The following KIF1B variants were observed in gnomAD, a reference collection of about 807,000 sequenced individuals.
The protein encoded by KIF1B is kinesin-like protein KIF1B.
Under a neutral mutation model 241.9 loss-of-function variants are expected in KIF1B, and 76 were observed. The ratio of observed to expected loss-of-function variants is 0.31; its 90% CI spans 0.26 to 0.38. The LOEUF (loss-of-function observed/expected upper bound fraction) is 0.38, where lower values mean the gene tolerates loss of function less well. KIF1B is among the 10% of genes least tolerant of loss of function. KIF1B has a pLI of 1.00. For synonymous variants in KIF1B, 750 were observed against 796.7 expected, an observed-to-expected ratio of 0.94 and a Z score of 0.99; for missense variants, 1,622 against 2,271.4, an observed-to-expected ratio of 0.71 and a Z score of 5.81.
At chr1:10,348,101 A>G (rs888426228) in intron 36 of KIF1B, among the ~76,000 whole-genome samples, 4 of 152,072 alleles carry the variant, frequency 2.6e-5, no homozygotes, top group African/African-American at 7.2e-5. Flanking sequence ...TGTAGCTCCT[A>G]TGTCACTTTT....
chr1:10,276,257 C>T, intron 11 of KIF1B, 64 bp from the exon 12 acceptor site: 1 of 1,012,638 alleles, frequency 9.9e-7, no homozygotes, highest in Non-Finnish European at 1.6e-6. Flanking sequence ...TCAGATTTGA[C>T]ACATTCCATA....
At chr1:10,335,607 T>G (rs1005753876) in intron 28 of KIF1B, among the ~76,000 whole-genome samples, 3 of 152,096 alleles carry the variant, frequency 2.0e-5, no homozygotes, top group African/African-American at 7.2e-5. Flanking sequence ...TGTTAGGCCT[T>G]TGTCTTGCTT....
Position 10,258,048 on chromosome 1 carries a change from A to G in KIF1B, c.184-445A>G, listed in dbSNP as rs77705321. Among the ~76,000 whole-genome samples the G allele has an allele frequency of 9.1e-3, 1,383 of 152,322 alleles. 19 individuals are homozygous for G. Among genetic ancestry groups the G allele is most frequent in the African/African-American group, 0.031 (1,284 of 41,572 alleles). On this transcript the variant is annotated intron_variant, in intron 3 of 48. Coordinates refer to ENST00000676179, the MANE Select transcript of KIF1B (RefSeq NM_001365951.3). ...GGAAGGGACTGAGAAGGGGATTGGAAATGCTGTTTCCTGAAAGCTGTGTTT... is the reference window on the plus strand; with the variant it reads ...GGAAGGGACTGAGAAGGGGATTGGAGATGCTGTTTCCTGAAAGCTGTGTTT...
At chr1:10,351,075 A>AT (rs935796496) in intron 37 of KIF1B, among the ~76,000 whole-genome samples, 1 of 138,750 alleles carries the variant, frequency 7.2e-6, no homozygotes, top group East Asian at 1.9e-4. Context: ...GACCCTGTCA[A>AT]AAAAAAAAAA....
chr1:10,352,087 C>T (rs1290311207), intron 37 of KIF1B, among the ~76,000 whole-genome samples: 2 of 143,434 alleles, frequency 1.4e-5, no homozygotes, highest in African/African-American at 5.3e-5. Flanking sequence ...TCAGAAGTTG[C>T]TGTTAGGTGA....
chr1:10,259,504 AAT>A (rs1491242441), intron 4 of KIF1B, among the ~76,000 whole-genome samples: 23 of 138,536 alleles, frequency 1.7e-4, no homozygotes, highest in African/African-American at 4.7e-4. Context: ...AAAAAAAAAA[AAT>A]TTTTTTTTTT....
chr1:10,340,609 C>G (rs759994646), intron 32 of KIF1B, among the ~76,000 whole-genome samples: 1 of 152,068 alleles, frequency 6.6e-6, no homozygotes, highest in Non-Finnish European at 1.5e-5. Context: ...TCTGGGAGGC[C>G]GAGGCAGGTG....
intron 22 of KIF1B, chr1:10,308,560 A>G (rs1012205403): frequency 9.8e-7 from 1 of 1,019,760 alleles, no homozygotes; most frequent in African/African-American, 1.7e-5. Context: ...GTTAAAAAAT[A>G]AAGACCTCAT....
chr1:10,360,189 G>C (rs1331985230), intron 38 of KIF1B, among the ~76,000 whole-genome samples: 1 of 152,134 alleles, frequency 6.6e-6, no homozygotes, highest in Non-Finnish European at 1.5e-5. Context: ...TAGCCCTCTT[G>C]TGATGTGAAG....
chr1:10,230,046 G>A (rs1252859679), intron 1 of KIF1B, among the ~76,000 whole-genome samples: 1 of 152,058 alleles, frequency 6.6e-6, no homozygotes, highest in Non-Finnish European at 1.5e-5. Flanking sequence ...GTGTTGGTGT[G>A]TGCCTGTAGT....
In KIF1B at chr1:10,310,264, T is replaced by C. The variant is rs560077482; in HGVS notation, c.2116-9779T>C. On this transcript the variant is annotated intron_variant, in intron 22 of 48. Coordinates refer to ENST00000676179, the MANE Select transcript of KIF1B (RefSeq NM_001365951.3). The stretch of plus-strand genomic sequence containing the variant: ...CTATTGGGCCCACCTTCAGAGTTTC[T>C]GATTCACTAGGTCTGGGGCGAGACC... Among the ~76,000 whole-genome samples, 17 of 151,712 alleles carry C rather than the reference T, an allele frequency of 1.1e-4. No homozygotes were observed. The East Asian group carries it at 2.7e-3, about 24-fold the overall frequency.
At chr1:10,272,950 T>TA (rs1355422973) in intron 9 of KIF1B, 64 bp from the exon 10 acceptor site, 16 of 1,356,574 alleles carry the variant, frequency 1.2e-5, no homozygotes, top group Admixed American at 2.1e-5. Flanking sequence ...AAACAAAATC[T>TA]AATTTTCTAC....
chr1:10,266,721 C>T (rs902575933), intron 5 of KIF1B, among the ~76,000 whole-genome samples: 2 of 152,208 alleles, frequency 1.3e-5, no homozygotes, highest in Non-Finnish European at 2.9e-5. Context: ...TTACTGACAA[C>T]AGTATACATT....
chr1:10,332,220 C>T lies in KIF1B; in HGVS notation c.2925-2300C>T, dbSNP rs546908262. Among the ~76,000 whole-genome samples the T allele has an allele frequency of 1.3e-4, 20 of 151,578 alleles. No homozygotes were observed. The South Asian group carries it at 2.5e-3, about 19-fold the overall frequency. On this transcript the variant is annotated intron_variant, in intron 27 of 48. Transcript: ENST00000676179. ...AGCTGGGATTATAGGTGCCTGCCAC[C>T]GTGCCTGGCTAAATTTTGTATTTTT...
At chr1:10,371,544 T>A (rs535229415) in intron 45 of KIF1B, among the ~76,000 whole-genome samples, 1 of 152,300 alleles carries the variant, frequency 6.6e-6, no homozygotes, top group East Asian at 1.9e-4. Context: ...CCTGCTTGTC[T>A]CCCCAGTCAT....
Position 10,326,298 on chromosome 1 carries a change from C to T in KIF1B, c.2863C>T (p.Leu955Phe), listed in dbSNP as rs1162993365. ...SDAGTEEGSD[L>F]FSDGHDPFYD... ...CGCAGGGACGGAGGAGGGATCAGAT[C>T]TCTTCAGTGACGGGCATGACCCGTT... Residue 955 changes from leucine to phenylalanine, a missense_variant, in exon 27 of 49, where the codon CTC becomes TTC. Leu to Phe is a conservative substitution (Grantham distance 22, BLOSUM62 0). Transcript: ENST00000676179. The surrounding 1 kb of genome is among the most constrained non-coding windows in gnomAD (Gnocchi z 5.2). 4 of 1,614,202 alleles carry T rather than the reference C, an allele frequency of 2.5e-6. No homozygotes were observed. The Admixed American group carries it at 6.7e-5, about 27-fold the overall frequency.
intron 1 of KIF1B, among the ~76,000 whole-genome samples, chr1:10,217,367 C>G (rs944662046): frequency 6.1e-5 from 9 of 146,890 alleles, no homozygotes; most frequent in African/African-American, 1.8e-4. Context: ...TTTGAGACAG[C>G]CTTGCTGTGT....
intron 37 of KIF1B, among the ~76,000 whole-genome samples, chr1:10,349,444 AAG>A (rs2102330938): frequency 6.6e-6 from 1 of 152,010 alleles, no homozygotes; most frequent in East Asian, 1.9e-4. Flanking sequence ...CAAAAAAAAA[AAG>A]AAAAGAAAAA....
At chr1:10,343,380 C>T in intron 34 of KIF1B, 93 bp downstream of exon 34, 1 of 1,203,308 alleles carries the variant, frequency 8.3e-7, no homozygotes, top group East Asian at 2.4e-5. Flanking sequence ...TGTTTGAATT[C>T]CTATTCTTCT....
Sources: allele counts gnomAD v4.1 joint callset (sites outside exome capture counted in the v4.1 genomes callset), GRCh38; gene constraint gnomAD v4.1.1; non-coding constraint Gnocchi (gnomAD v3.1); transcripts MANE v1.5; gene names NCBI Gene and HGNC (gene_info 2026-07-23, HGNC 2026-07-21).